NTNG1: variants seen among roughly 807,000 people sequenced by gnomAD.
The protein encoded by NTNG1 is netrin-G1.
In NTNG1, 16 loss-of-function variants were observed where a neutral mutation model predicts 54.0. The observed-to-expected ratio is 0.30, with a 90% CI of 0.20 to 0.45. NTNG1 has a LOEUF of 0.45. NTNG1 is among the 20% of genes least tolerant of loss of function. NTNG1 has a pLI of 1.00. For missense variants in NTNG1, 530 were observed against 678.7 expected, an observed-to-expected ratio of 0.78 and a Z score of 2.43; for synonymous variants, 255 against 263.1, an observed-to-expected ratio of 0.97 and a Z score of 0.30.
chr1:107,434,534 T>C (rs1033311303), intron 6 of NTNG1, among the ~76,000 whole-genome samples: 1 of 152,182 alleles, frequency 6.6e-6, no homozygotes, highest in Non-Finnish European at 1.5e-5. Context: ...GCTGACAAGC[T>C]TTGCATCACA....
At position 107,148,343 on chromosome 1, in the gene NTNG1, C is replaced by T. The variant is rs374962536; in HGVS notation, c.-251C>T. 4 of 428,442 alleles carry T rather than the reference C, an allele frequency of 9.3e-6. No homozygotes were observed. Among genetic ancestry groups the T allele is most frequent in the East Asian group, 8.0e-5 (2 of 25,002 alleles). 26.5% of individuals were successfully genotyped at this position (428,442 alleles called of 1,614,324 possible). A position where few individuals can be genotyped will look rare whatever the true frequency, so the allele number is the denominator to read the frequency against. ...CAAAGAAAAAGCTGCAAGTTGTTAACGCCTAACACACAAGTATGTTAGGCT... is the reference window on the plus strand; with the variant it reads ...CAAAGAAAAAGCTGCAAGTTGTTAATGCCTAACACACAAGTATGTTAGGCT... On this transcript the variant is annotated 5_prime_UTR_variant, in exon 2 of 8. In the 5' UTR this introduces an upstream ATG that the reference lacks. Coordinates refer to ENST00000370068, the MANE Select transcript of NTNG1 (RefSeq NM_001113226.3).
At chr1:107,308,793 G>A (rs2101828677) in intron 2 of NTNG1, among the ~76,000 whole-genome samples, 1 of 152,204 alleles carries the variant, frequency 6.6e-6, no homozygotes, top group South Asian at 2.1e-4. Flanking sequence ...AAGTATGAAT[G>A]TTTTTCCACT....
intron 5 of NTNG1, 113 bp from the exon 6 acceptor site, chr1:107,430,637 A>T: frequency 3.9e-6 from 4 of 1,036,488 alleles, no homozygotes; most frequent in Non-Finnish European, 6.0e-6. Context: ...AATCACATAT[A>T]TGTAATGCCA....
At chr1:107,206,656 C>T (rs1445175285) in intron 2 of NTNG1, among the ~76,000 whole-genome samples, 1 of 152,124 alleles carries the variant, frequency 6.6e-6, no homozygotes, top group African/African-American at 2.4e-5. Context: ...GGAGCCACCA[C>T]AAGGATTATT....
intron 2 of NTNG1, among the ~76,000 whole-genome samples, chr1:107,299,097 A>G (rs868796527): frequency 2.6e-4 from 39 of 152,298 alleles, no homozygotes; most frequent in African/African-American, 8.9e-4. Flanking sequence ...AAGAAGAAGA[A>G]AGCAGGGAGA....
At chr1:107,356,562 GGGATTA>G (rs1487664142) in intron 3 of NTNG1, among the ~76,000 whole-genome samples, 2 of 152,042 alleles carry the variant, frequency 1.3e-5, no homozygotes, top group Non-Finnish European at 2.9e-5. Flanking sequence ...CCAAAGTGCT[GGGATTA>G]CAGGTGTGAG....
intron 2 of NTNG1, among the ~76,000 whole-genome samples, chr1:107,287,501 T>A (rs1263448463): frequency 1.3e-5 from 2 of 152,168 alleles, no homozygotes; most frequent in African/African-American, 4.8e-5. Context: ...TAGTCCCGAC[T>A]ACTCAGGAGA....
chr1:107,359,841 G>A (rs552788183), intron 3 of NTNG1, among the ~76,000 whole-genome samples: 7 of 152,178 alleles, frequency 4.6e-5, no homozygotes, highest in Non-Finnish European at 1.0e-4. Flanking sequence ...AAAGAGAGAA[G>A]TGGAAATACA....
chr1:107,409,464 A>G (rs1004105933), intron 5 of NTNG1: 1 of 152,226 alleles, frequency 6.6e-6, no homozygotes, highest in Non-Finnish European at 1.5e-5. Flanking sequence ...CGCCTCCACC[A>G]CATTCCCCAT....
At chr1:107,436,516 T>C (rs2101376013) in intron 6 of NTNG1, 149 bp from the exon 7 acceptor site, 1 of 546,740 alleles carries the variant, frequency 1.8e-6, no homozygotes, top group Non-Finnish European at 3.1e-6. Flanking sequence ...AAATAAATGG[T>C]TGTGAAATAG....
intron 2 of NTNG1, among the ~76,000 whole-genome samples, chr1:107,252,603 ATTC>A (rs1334307471): frequency 2.6e-5 from 4 of 152,056 alleles, no homozygotes; most frequent in Non-Finnish European, 4.4e-5. Flanking sequence ...GTTTCCCCCT[ATTC>A]TTCTTGCACA....
intron 2 of NTNG1, among the ~76,000 whole-genome samples, chr1:107,249,067 G>A (rs1449150163): frequency 1.3e-5 from 2 of 151,586 alleles, no homozygotes; most frequent in African/African-American, 2.4e-5. Context: ...GCTGAGGCAG[G>A]AGAATCACTT....
At chr1:107,289,253 C>T (rs542424893) in intron 2 of NTNG1, among the ~76,000 whole-genome samples, 2 of 152,208 alleles carry the variant, frequency 1.3e-5, no homozygotes, top group South Asian at 4.1e-4. Flanking sequence ...CTGTCTTCAT[C>T]GGGAACCTTG....
At chr1:107,458,698 A>G (rs1299382721) in intron 7 of NTNG1, among the ~76,000 whole-genome samples, 2 of 152,160 alleles carry the variant, frequency 1.3e-5, no homozygotes, top group African/African-American at 4.8e-5. Flanking sequence ...AAGAAGAAAA[A>G]CATGTAATGT....
chr1:107,244,342 T>G (rs1662043814), intron 2 of NTNG1, among the ~76,000 whole-genome samples: 1 of 152,212 alleles, frequency 6.6e-6, no homozygotes, highest in African/African-American at 2.4e-5. Flanking sequence ...TCTGAAAAAG[T>G]AAAAAGTGTT....
chr1:107,437,411 T>A (rs1173421477), intron 7 of NTNG1, among the ~76,000 whole-genome samples: 2 of 152,216 alleles, frequency 1.3e-5, no homozygotes, highest in Non-Finnish European at 2.9e-5. Context: ...TTACCAGGTC[T>A]TCAAAGCTTG....
intron 2 of NTNG1, among the ~76,000 whole-genome samples, chr1:107,271,749 A>T (rs1664158770): frequency 6.6e-6 from 1 of 152,312 alleles, no homozygotes; most frequent in East Asian, 1.9e-4. Flanking sequence ...GGTGAAAAAA[A>T]AATTCTACTA....
intron 3 of NTNG1, among the ~76,000 whole-genome samples, chr1:107,367,790 TCTCA>T (rs1670687574): frequency 6.6e-6 from 1 of 151,990 alleles, no homozygotes. Flanking sequence ...TGACATGGAG[TCTCA>T]CTCTGTTGCC....
intron 2 of NTNG1, among the ~76,000 whole-genome samples, chr1:107,292,822 T>C (rs1008180725): frequency 2.6e-5 from 4 of 152,102 alleles, no homozygotes; most frequent in Non-Finnish European, 5.9e-5. Context: ...TGCCTACATA[T>C]AGAACCCCAA....
Sources: gnomAD v4.1 joint callset for allele counts (sites outside exome capture counted in the v4.1 genomes callset) on GRCh38, gnomAD v4.1.1 for gene constraint, MANE v1.5 for transcripts, NCBI Gene and HGNC (gene_info 2026-07-23, HGNC 2026-07-21) for gene names.